The following GFOD1 variants were observed in gnomAD, a reference collection of about 807,000 sequenced individuals.
The protein encoded by GFOD1 is glucose-fructose oxidoreductase domain-containing protein 1.
GFOD1 carries 9 observed loss-of-function variants against 25.4 expected under a neutral mutation model. That is an observed-to-expected ratio of 0.35 (90% confidence interval 0.21 to 0.62). The LOEUF is 0.62. Ranked by LOEUF, GFOD1 falls within the 20% of genes least tolerant of loss-of-function variation. GFOD1 has a pLI of 0.72. For synonymous variants in GFOD1, 253 were observed against 245.6 expected, an observed-to-expected ratio of 1.03 and a Z score of -0.28; for missense variants, 403 against 556.9, an observed-to-expected ratio of 0.72 and a Z score of 2.78.
intron 1 of GFOD1, chr6:13,470,567 C>G (rs1038708846): frequency 6.6e-7 from 1 of 1,520,924 alleles, no homozygotes; most frequent in East Asian, 2.5e-5. Context: ...AACAGAACCA[C>G]GTGGCATTTT....
chr6:13,401,438 G>C (rs1266216337), intron 1 of GFOD1, among the ~76,000 whole-genome samples: 1 of 151,940 alleles, frequency 6.6e-6, no homozygotes, highest in Non-Finnish European at 1.5e-5. Flanking sequence ...GAAGGAACCA[G>C]TCCTTATTAG....
chr6:13,464,753 C>T (rs550025791), intron 1 of GFOD1, among the ~76,000 whole-genome samples: 1 of 152,266 alleles, frequency 6.6e-6, no homozygotes, highest in East Asian at 1.9e-4. Context: ...GGAATTCCGC[C>T]AGCAGATTGC....
intron 1 of GFOD1, among the ~76,000 whole-genome samples, chr6:13,472,407 G>A (rs1482714859): frequency 6.6e-6 from 1 of 152,184 alleles, no homozygotes; most frequent in Non-Finnish European, 1.5e-5. Flanking sequence ...ATCATAAATG[G>A]ACCGTAGTTC....
chr6:13,473,608 C>T (rs1040747499), intron 1 of GFOD1, among the ~76,000 whole-genome samples: 1 of 152,230 alleles, frequency 6.6e-6, no homozygotes, highest in African/African-American at 2.4e-5. Flanking sequence ...ATTCTTAAAC[C>T]ATTCTAACTT....
intron 1 of GFOD1, among the ~76,000 whole-genome samples, chr6:13,475,301 T>C (rs1214478820): frequency 6.6e-6 from 1 of 152,204 alleles, no homozygotes; most frequent in East Asian, 1.9e-4. Context: ...AGGCTGGGCA[T>C]GGTGGCTCAT....
chr6:13,421,110 A>G (rs1786248939), intron 1 of GFOD1, among the ~76,000 whole-genome samples: 1 of 152,172 alleles, frequency 6.6e-6, no homozygotes, highest in African/African-American at 2.4e-5. Flanking sequence ...ATAATTAAAG[A>G]GAGTATGGTA....
intron 1 of GFOD1, chr6:13,470,523 T>A (rs1289655794): frequency 1.3e-6 from 2 of 1,549,764 alleles, no homozygotes; most frequent in Admixed American, 3.9e-5. Context: ...AAATGTCCCA[T>A]GTGGGGGTGC....
chr6:13,374,269 TTTTTTGTGTGTGTGTGTGTG>T (rs1486191163), intron 1 of GFOD1, among the ~76,000 whole-genome samples: 4 of 121,876 alleles, frequency 3.3e-5, no homozygotes, highest in African/African-American at 1.5e-4. Flanking sequence ...AATATGTTTT[TTTTTTGTGTGTGTGTGTGTG>T]TGTGTGTGTG....
intron 1 of GFOD1, among the ~76,000 whole-genome samples, chr6:13,413,762 G>C (rs1786118288): frequency 6.6e-6 from 1 of 152,194 alleles, no homozygotes; most frequent in Non-Finnish European, 1.5e-5. Flanking sequence ...GCAGCCCACA[G>C]CAAAGCCAAA....
At chr6:13,451,106 G>GTTTTTA (rs1758089607) in intron 1 of GFOD1, among the ~76,000 whole-genome samples, 1 of 152,220 alleles carries the variant, frequency 6.6e-6, no homozygotes, top group Non-Finnish European at 1.5e-5. Flanking sequence ...TCCTGCCGGA[G>GTTTTTA]TTTTTAGTGA....
At chr6:13,450,956 T>G (rs7751772) in intron 1 of GFOD1, among the ~76,000 whole-genome samples, 1 of 152,224 alleles carries the variant, frequency 6.6e-6, no homozygotes, top group Non-Finnish European at 1.5e-5. Context: ...GTGAGGTATG[T>G]AAATCCCAGG....
intron 1 of GFOD1, among the ~76,000 whole-genome samples, chr6:13,392,101 A>G (rs560410892): frequency 1.5e-4 from 23 of 152,236 alleles, no homozygotes; most frequent in Non-Finnish European, 3.2e-4. Flanking sequence ...GCAGTGGCTC[A>G]TGCCTGTAAT....
chr6:13,437,279 A>G (rs1757848400), intron 1 of GFOD1, among the ~76,000 whole-genome samples: 1 of 152,090 alleles, frequency 6.6e-6, no homozygotes, highest in Non-Finnish European at 1.5e-5. Flanking sequence ...TGAAGATTTT[A>G]TCTTTGAAAT....
intron 1 of GFOD1, among the ~76,000 whole-genome samples, chr6:13,433,101 C>G (rs1405856781): frequency 6.7e-6 from 1 of 149,612 alleles, no homozygotes; most frequent in African/African-American, 2.4e-5. Flanking sequence ...GCATGACTGA[C>G]ATTTTGTGCT....
rs559881019 is a variant in GFOD1, at chr6:13,403,802, A to G, written c.254-38140T>C. Among the ~76,000 whole-genome samples the G allele has an allele frequency of 3.3e-5, 5 of 152,250 alleles. No homozygotes were observed. The South Asian group carries it at 1.0e-3, about 31-fold the overall frequency. On this transcript the variant is annotated intron_variant, in intron 1 of 1. Transcript: ENST00000379287. ...ACTTATTTTATGGTTTCATTTATAT[A>G]AAATCTCCAGAAAAGGCAAATCTAT...
At chr6:13,416,427 G>C (rs916088884) in intron 1 of GFOD1, among the ~76,000 whole-genome samples, 5 of 152,190 alleles carry the variant, frequency 3.3e-5, no homozygotes, top group Non-Finnish European at 7.4e-5. Flanking sequence ...TAACAAGAAG[G>C]AACTTACTTT....
chr6:13,424,774 C>T (rs1786323016), intron 1 of GFOD1, among the ~76,000 whole-genome samples: 1 of 151,808 alleles, frequency 6.6e-6, no homozygotes, highest in African/African-American at 2.4e-5. Context: ...TGAAATTTTA[C>T]AAAGGTTTTA....
chr6:13,370,491 G>A (rs1388056733), intron 1 of GFOD1, among the ~76,000 whole-genome samples: 1 of 151,904 alleles, frequency 6.6e-6, no homozygotes, highest in Non-Finnish European at 1.5e-5. Flanking sequence ...GAATTGCTAA[G>A]CAAAGTTTGT....
In GFOD1 at chr6:13,361,330, C is replaced by T. The variant is rs547095009; in HGVS notation, c.*3413G>A. The T allele has an allele frequency of 6.2e-6, 1 of 160,768 alleles. No homozygotes were observed. Among genetic ancestry groups the T allele is most frequent in the Non-Finnish European group, 1.4e-5 (1 of 72,778 alleles). The allele number at this position is 160,768 out of a possible 1,614,324, so 10.0% of individuals were successfully genotyped here. A position where few individuals can be genotyped will look rare whatever the true frequency, so the allele number is the denominator to read the frequency against. Reference sequence around the variant, plus strand: ...TACCAGGTAAGAACCCTGACCCACACCCTCCCTCATAACTTGGAATCTAGG... The same window carrying T: ...TACCAGGTAAGAACCCTGACCCACATCCTCCCTCATAACTTGGAATCTAGG... On this transcript the variant is annotated 3_prime_UTR_variant, in exon 2 of 2. Coordinates refer to ENST00000379287, the MANE Select transcript of GFOD1 (RefSeq NM_018988.4).
Sources: gnomAD v4.1 joint callset for allele counts (sites outside exome capture counted in the v4.1 genomes callset) on GRCh38, gnomAD v4.1.1 for gene constraint, MANE v1.5 for transcripts, NCBI Gene and HGNC (gene_info 2026-07-23, HGNC 2026-07-21) for gene names.